The following TMCC1 variants were observed in gnomAD, a reference collection of about 807,000 sequenced individuals.
TMCC1 encodes the protein transmembrane and coiled-coil domains protein 1.
TMCC1 carries 15 observed loss-of-function variants against 52.4 expected under a neutral mutation model. The ratio of observed to expected loss-of-function variants is 0.29; its 90% CI spans 0.19 to 0.44. The LOEUF (loss-of-function observed/expected upper bound fraction) is 0.44. Among genes scored for constraint, TMCC1 ranks in the 20% least tolerant of loss-of-function variants. The probability of loss-of-function intolerance (pLI) is 1.00; values close to 1 mark genes in which losing one functional copy is unlikely to be tolerated. For missense variants in TMCC1, 503 were observed against 806.0 expected, an observed-to-expected ratio of 0.62 and a Z score of 4.55; for synonymous variants, 279 against 301.9, an observed-to-expected ratio of 0.92 and a Z score of 0.79.
chr3:129,768,994 G>A (rs759629458), intron 4 of TMCC1, among the ~76,000 whole-genome samples: 12 of 152,280 alleles, frequency 7.9e-5, no homozygotes, highest in African/African-American at 1.4e-4. Context: ...TCACAATATC[G>A]TAAGGGAAGA....
intron 2 of TMCC1, among the ~76,000 whole-genome samples, chr3:129,858,923 T>C (rs2060260216): frequency 6.6e-6 from 1 of 152,230 alleles, no homozygotes; most frequent in Non-Finnish European, 1.5e-5. Flanking sequence ...TTAATAACTT[T>C]TCATTTTAAA....
At chr3:129,707,750 G>A (rs1210956080) in intron 4 of TMCC1, among the ~76,000 whole-genome samples, 8 of 152,134 alleles carry the variant, frequency 5.3e-5, no homozygotes, top group Non-Finnish European at 8.8e-5. Flanking sequence ...TGGCTAACAC[G>A]GTGAAACCCC....
rs370513201 is a variant in TMCC1, at chr3:129,755,747, A to C, written c.576+72056T>G. Among the ~76,000 whole-genome samples, 37 of 152,356 alleles carry C rather than the reference A, an allele frequency of 2.4e-4. No individual in the cohort carries two copies. The East Asian group carries it at 3.7e-3, about 15-fold the overall frequency. On this transcript the variant is annotated intron_variant, in intron 4 of 6. Transcript: ENST00000393238. ...CCAGAAACAGACAACAAATCCTGGT[A>C]ATGTGGAACAAGAAATCTCATTTGT...
At chr3:129,699,472 A>G (rs2108968345) in intron 4 of TMCC1, among the ~76,000 whole-genome samples, 1 of 152,338 alleles carries the variant, frequency 6.6e-6, no homozygotes, top group Non-Finnish European at 1.5e-5. Flanking sequence ...CAGAAAACTC[A>G]TTAGTATTCC....
intron 4 of TMCC1, among the ~76,000 whole-genome samples, chr3:129,700,236 A>T (rs1460986660): frequency 1.3e-5 from 2 of 150,260 alleles, no homozygotes; most frequent in Non-Finnish European, 3.0e-5. Context: ...AAAGAAAATT[A>T]AAAAAAAAAT....
At chr3:129,781,439 A>AG (rs1291722539) in intron 4 of TMCC1, among the ~76,000 whole-genome samples, 1 of 151,938 alleles carries the variant, frequency 6.6e-6, no homozygotes, top group African/African-American at 2.4e-5. Flanking sequence ...TTCAAACCTC[A>AG]TCTCCTTCAA....
At chr3:129,798,141 G>A (rs1293968272) in intron 4 of TMCC1, among the ~76,000 whole-genome samples, 4 of 151,750 alleles carry the variant, frequency 2.6e-5, no homozygotes, top group East Asian at 1.9e-4. Flanking sequence ...GATTACAGGC[G>A]CCTGCCACCA....
Position 129,772,813 on chromosome 3 carries a change from G to C in TMCC1, c.576+54990C>G, listed in dbSNP as rs1341208521. ...AGATACTAGACATTGCTCACAATAAGAGAGATATAAATTAAAATTACACTG... is the reference window on the plus strand; with the variant it reads ...AGATACTAGACATTGCTCACAATAACAGAGATATAAATTAAAATTACACTG... On this transcript the variant is annotated intron_variant, in intron 4 of 6. Transcript: ENST00000393238. Among the ~76,000 whole-genome samples, 3 of 150,086 alleles carry C rather than the reference G, an allele frequency of 2.0e-5. 1 individual carries two copies. In the South Asian group the frequency reaches 6.3e-4, roughly 32 times the overall value.
At chr3:129,776,825 G>A (rs988844385) in intron 4 of TMCC1, among the ~76,000 whole-genome samples, 2 of 151,952 alleles carry the variant, frequency 1.3e-5, no homozygotes, top group African/African-American at 4.8e-5. Context: ...TGTAGAGATG[G>A]GTTCTCACTA....
At chr3:129,713,797 G>A (rs572248726) in intron 4 of TMCC1, among the ~76,000 whole-genome samples, 74 of 151,650 alleles carry the variant, frequency 4.9e-4, no homozygotes, top group African/African-American at 1.8e-3. Flanking sequence ...GTTACAATAA[G>A]CTTCTTCTAG....
intron 6 of TMCC1, 105 bp downstream of exon 6, chr3:129,654,863 C>A: frequency 6.8e-7 from 1 of 1,471,050 alleles, no homozygotes; most frequent in Non-Finnish European, 9.2e-7. Flanking sequence ...TTGGTATAAG[C>A]TTTTCTTTGT....
chr3:129,673,727 TGGA>T (rs1324539242), intron 4 of TMCC1, among the ~76,000 whole-genome samples: 2 of 152,016 alleles, frequency 1.3e-5, no homozygotes, highest in Admixed American at 1.3e-4. Context: ...GGCACATGCC[TGGA>T]GTCCCAGCTG....
intron 2 of TMCC1, among the ~76,000 whole-genome samples, chr3:129,841,119 T>A (rs368701698): frequency 6.6e-6 from 1 of 152,200 alleles, no homozygotes. Flanking sequence ...GAGAAACTTA[T>A]TGTGAACTGG....
At chr3:129,687,694 T>C (rs535364569) in intron 4 of TMCC1, among the ~76,000 whole-genome samples, 35 of 152,268 alleles carry the variant, frequency 2.3e-4, no homozygotes, top group African/African-American at 8.2e-4. Context: ...CAAACAGCAA[T>C]GACAATGAAC....
chr3:129,700,966 C>G (rs1417976794), intron 4 of TMCC1, among the ~76,000 whole-genome samples: 2 of 152,168 alleles, frequency 1.3e-5, no homozygotes, highest in Non-Finnish European at 2.9e-5. Flanking sequence ...CCTCTACTGT[C>G]AGATGTCATC....
At chr3:129,799,479 T>C (rs2057048200) in intron 4 of TMCC1, among the ~76,000 whole-genome samples, 1 of 152,130 alleles carries the variant, frequency 6.6e-6, no homozygotes, top group Non-Finnish European at 1.5e-5. Flanking sequence ...AAGGTTATGA[T>C]CGAGATGTTA....
intron 4 of TMCC1, among the ~76,000 whole-genome samples, chr3:129,791,028 C>T (rs377299312): frequency 2.3e-4 from 34 of 150,900 alleles, no homozygotes; most frequent in Middle Eastern, 3.4e-3. Context: ...TGTTTTCTAT[C>T]GTAGATAAAC....
intron 2 of TMCC1, among the ~76,000 whole-genome samples, chr3:129,874,714 G>A (rs2107974675): frequency 6.6e-6 from 1 of 152,112 alleles, no homozygotes; most frequent in African/African-American, 2.4e-5. Context: ...AAAATTAGCT[G>A]GGTATGGTGG....
chr3:129,672,685 A>G (rs1035937614), intron 4 of TMCC1, among the ~76,000 whole-genome samples: 1 of 152,196 alleles, frequency 6.6e-6, no homozygotes, highest in African/African-American at 2.4e-5. Context: ...TTAGGGTAAT[A>G]AAAATCCCCA....
Sources: allele counts gnomAD v4.1 joint callset (sites outside exome capture counted in the v4.1 genomes callset), GRCh38; gene constraint gnomAD v4.1.1; transcripts MANE v1.5; gene names NCBI Gene and HGNC (gene_info 2026-07-23, HGNC 2026-07-21).